NTF3: variants seen among roughly 807,000 people sequenced by gnomAD.
NTF3 encodes neurotrophin-3.
In NTF3, 8 loss-of-function variants were observed where a neutral mutation model predicts 26.3. The observed-to-expected ratio is 0.30, with a 90% CI of 0.18 to 0.55. NTF3 has a LOEUF of 0.55. Among genes scored for constraint, NTF3 ranks in the 20% least tolerant of loss-of-function variants. The pLI, the probability that NTF3 is intolerant of heterozygous loss-of-function variation, is 0.93. For synonymous variants in NTF3, 154 were observed against 145.5 expected, an observed-to-expected ratio of 1.06 and a Z score of -0.42; for missense variants, 276 against 352.9, an observed-to-expected ratio of 0.78 and a Z score of 1.75.
chr12:5,473,375 C>T (rs978716664), intron 1 of NTF3, among the ~76,000 whole-genome samples: 1 of 152,180 alleles, frequency 6.6e-6, no homozygotes, highest in African/African-American at 2.4e-5. Flanking sequence ...AGTTCCCTGA[C>T]GTGGTAGGAA....
At position 5,436,025 on chromosome 12, in the gene NTF3, G is replaced by T. The variant is rs138572952; in HGVS notation, c.18+3683G>T. On this transcript the variant is annotated intron_variant, in intron 1 of 1. Coordinates refer to ENST00000423158, the MANE Select transcript of NTF3 (RefSeq NM_001102654.2). ...AGATGTGCATCTTTAGCGAAAAAAG[G>T]TGTACACAAAAGAAGGGCCGTAGAC... 6.0e-3 allele frequency among the ~76,000 whole-genome samples: 916 copies of T among 152,282 alleles called. 11 individuals are homozygous for T. The highest frequency in any genetic ancestry group is 9.8e-3 in the Non-Finnish European group (664 of 68,018).
intron 1 of NTF3, among the ~76,000 whole-genome samples, chr12:5,459,514 T>G (rs2121187765): frequency 6.6e-6 from 1 of 152,340 alleles, no homozygotes; most frequent in Admixed American, 6.5e-5. Context: ...ATAAGCAGAT[T>G]TCATCTTCTC....
rs747012011 is a variant in NTF3 at position 5,432,276 on chromosome 12, C to G, written c.-49C>G. 1.9e-6 allele frequency: 3 copies of G among 1,611,894 alleles called. No individual in the cohort carries two copies. In the East Asian group the frequency reaches 6.7e-5, roughly 36 times the overall value. On this transcript the variant is annotated 5_prime_UTR_variant, in exon 1 of 2. Transcript: ENST00000423158. ...AGACTTTGAATGACCGAGCTCGCGT[C>G]CACCTTTCTCTTCATGTCGACGTCC... is the stretch of plus-strand genomic sequence containing the variant.
chr12:5,489,488 T>C (rs1378631106), intron 1 of NTF3, among the ~76,000 whole-genome samples: 2 of 152,216 alleles, frequency 1.3e-5, no homozygotes, highest in Non-Finnish European at 2.9e-5. Flanking sequence ...AACCCCTCTT[T>C]GCCTTGGTTT....
At chr12:5,484,291 G>A (rs1940841993) in intron 1 of NTF3, among the ~76,000 whole-genome samples, 1 of 152,088 alleles carries the variant, frequency 6.6e-6, no homozygotes, top group Admixed American at 6.5e-5. Flanking sequence ...TGGCACCCTG[G>A]GCTTCACAGG....
In NTF3 at chr12:5,432,233, G is replaced by A. The variant is rs1940100501; in HGVS notation, c.-92G>A. ...CTCCTTTTTCCCCTGCTGGGTAGTG[G>A]CTGCGGCGGGGTGGGGGAGACTTTG... On this transcript the variant is annotated 5_prime_UTR_variant, in exon 1 of 2. Transcript: ENST00000423158. 5.0e-6 allele frequency: 7 copies of A among 1,389,842 alleles called. No individual in the cohort carries two copies. Among genetic ancestry groups the A allele is most frequent in the Middle Eastern group, 1.8e-4 (1 of 5,666 alleles). 86.1% of individuals were successfully genotyped at this position (1,389,842 alleles called of 1,614,324 possible). A position where few individuals can be genotyped will look rare whatever the true frequency, so the allele number is the denominator to read the frequency against.
chr12:5,479,841 T>G (rs1940765824), intron 1 of NTF3, among the ~76,000 whole-genome samples: 1 of 152,192 alleles, frequency 6.6e-6, no homozygotes, highest in Non-Finnish European at 1.5e-5. Flanking sequence ...TCTGTGTCTT[T>G]TGGGAAAGCC....
intron 1 of NTF3, among the ~76,000 whole-genome samples, chr12:5,474,849 T>C (rs924309876): frequency 2.0e-5 from 3 of 152,056 alleles, no homozygotes; most frequent in African/African-American, 7.2e-5. Flanking sequence ...CAGTTCAATG[T>C]GGGGGCAGGG....
At chr12:5,430,933 G>A (rs962726957), upstream of NTF3, among the ~76,000 whole-genome samples, 1 of 151,974 alleles carries the variant, frequency 6.6e-6, no homozygotes, top group Non-Finnish European at 1.5e-5. Flanking sequence ...GCGGGCAAGT[G>A]GGCAAAACTC....
At position 5,487,013 on chromosome 12, in the gene NTF3, A is replaced by T. The variant is rs553087507; in HGVS notation, c.19-7181A>T. The stretch of plus-strand genomic sequence containing the variant: ...ATACCACTAAATGCAGGATAACACC[A>T]TGATGGCTAGTAGCTGGATTGACTC... On this transcript the variant is annotated intron_variant, in intron 1 of 1. Coordinates refer to ENST00000423158, the MANE Select transcript of NTF3 (RefSeq NM_001102654.2). Among the ~76,000 whole-genome samples, 3 of 152,254 alleles carry T rather than the reference A, an allele frequency of 2.0e-5. No individual in the cohort carries two copies. The South Asian group carries it at 6.2e-4, about 32-fold the overall frequency.
At position 5,453,470 on chromosome 12, in the gene NTF3, C is replaced by G. The variant is rs1940400274; in HGVS notation, c.18+21128C>G. The stretch of plus-strand genomic sequence containing the variant: ...TTCTCTTTCCCATCCCTGTTGGACT[C>G]TTTCTCCTTATCAGTTTATTTGTTC... On this transcript the variant is annotated intron_variant, in intron 1 of 1. Transcript: ENST00000423158. 2.0e-5 allele frequency among the ~76,000 whole-genome samples: 3 copies of G among 152,318 alleles called. 1 individual carries two copies. Among genetic ancestry groups the G allele is most frequent in the Middle Eastern group, 6.8e-3 (2 of 294 alleles).
intron 1 of NTF3, among the ~76,000 whole-genome samples, chr12:5,488,741 G>T (rs1464159878): frequency 1.3e-5 from 2 of 152,080 alleles, no homozygotes; most frequent in Non-Finnish European, 2.9e-5. Flanking sequence ...TATCTGGCAG[G>T]ATGTCTCCTG....
upstream of NTF3, chr12:5,431,962 G>GC (rs1940094184): frequency 9.5e-6 from 1 of 105,490 alleles, no homozygotes. Flanking sequence ...AAGTGAGGGC[G>GC]GGGGGGGGGC....
intron 1 of NTF3, among the ~76,000 whole-genome samples, chr12:5,461,854 G>T (rs1335144801): frequency 6.6e-6 from 1 of 152,094 alleles, no homozygotes; most frequent in African/African-American, 2.4e-5. Flanking sequence ...GCTGATCCAC[G>T]ACTCTTATTT....
intron 1 of NTF3, among the ~76,000 whole-genome samples, chr12:5,454,578 C>A (rs999871375): frequency 1.3e-5 from 2 of 152,208 alleles, no homozygotes; most frequent in Non-Finnish European, 2.9e-5. Flanking sequence ...AGTCAGTTCT[C>A]TTTGGGGTGA....
chr12:5,437,257 C>A (rs574609021), intron 1 of NTF3, among the ~76,000 whole-genome samples: 2 of 152,320 alleles, frequency 1.3e-5, no homozygotes, highest in Admixed American at 1.3e-4. Flanking sequence ...AGGAGCTAAG[C>A]TATTTCCAAG....
intron 1 of NTF3, among the ~76,000 whole-genome samples, chr12:5,446,769 T>A (rs149198821): frequency 6.6e-6 from 1 of 152,378 alleles, no homozygotes; most frequent in Non-Finnish European, 1.5e-5. Context: ...TCAGGCATGC[T>A]GGAGCCGGAT....
intron 1 of NTF3, among the ~76,000 whole-genome samples, chr12:5,478,739 C>T (rs190732782): frequency 9.8e-5 from 15 of 152,352 alleles, no homozygotes; most frequent in East Asian, 5.8e-4. Flanking sequence ...TTCAAATAAA[C>T]GACTTTAACA....
chr12:5,470,213 T>C (rs1940647593), intron 1 of NTF3, among the ~76,000 whole-genome samples: 1 of 152,156 alleles, frequency 6.6e-6, no homozygotes, highest in Non-Finnish European at 1.5e-5. Context: ...CGTGAGCCAC[T>C]GCGCTCGGCC....
Sources: gnomAD v4.1 joint callset for allele counts (sites outside exome capture counted in the v4.1 genomes callset) on GRCh38, gnomAD v4.1.1 for gene constraint, MANE v1.5 for transcripts, NCBI Gene and HGNC (gene_info 2026-07-23, HGNC 2026-07-21) for gene names.